The following KCNH7 variants were observed in gnomAD, a reference collection of about 807,000 sequenced individuals.
KCNH7 encodes the protein potassium voltage-gated channel subfamily H member 7, also known as voltage-gated inwardly rectifying potassium channel KCNH7.
KCNH7 carries 49 observed loss-of-function variants against 120.8 expected under a neutral mutation model. That is an observed-to-expected ratio of 0.41 (90% confidence interval 0.32 to 0.51). The LOEUF (loss-of-function observed/expected upper bound fraction) is 0.51. KCNH7 is among the 20% of genes least tolerant of loss of function. The probability of loss-of-function intolerance (pLI) is 0.38; values close to 1 mark genes in which losing one functional copy is unlikely to be tolerated. For missense variants in KCNH7, 1,097 were observed against 1,446.6 expected (o/e 0.76, Z 3.92); for synonymous variants, 547 against 516.1 (o/e 1.06, Z -0.81).
At chr2:162,614,359 T>A (rs922607338) in intron 2 of KCNH7, among the ~76,000 whole-genome samples, 1 of 151,940 alleles carries the variant, frequency 6.6e-6, no homozygotes, top group Non-Finnish European at 1.5e-5. Context: ...AACCACACTT[T>A]GAGTAGCATT....
intron 2 of KCNH7, among the ~76,000 whole-genome samples, chr2:162,559,086 C>CAAAAAAAAA (rs1692968847): frequency 9.2e-6 from 1 of 109,008 alleles, no homozygotes; most frequent in African/African-American, 3.4e-5. Flanking sequence ...AGCAAAAAAA[C>CAAAAAAAAA]AAAAAACAAA....
intron 2 of KCNH7, among the ~76,000 whole-genome samples, chr2:162,650,819 G>A (rs1669090353): frequency 6.6e-6 from 1 of 152,082 alleles, no homozygotes; most frequent in Non-Finnish European, 1.5e-5. Context: ...TACGTAGGAG[G>A]CATTCCACCA....
intron 2 of KCNH7, among the ~76,000 whole-genome samples, chr2:162,670,570 G>A (rs930906615): frequency 3.3e-5 from 5 of 151,620 alleles, no homozygotes; most frequent in Non-Finnish European, 5.9e-5. Context: ...ATATAAATTG[G>A]GAGGTAATTA....
chr2:162,590,580 CT>C (rs1694177677), intron 2 of KCNH7, among the ~76,000 whole-genome samples: 1 of 152,106 alleles, frequency 6.6e-6, no homozygotes, highest in African/African-American at 2.4e-5. Flanking sequence ...ATTCTCTAGT[CT>C]TCCTCATGCT....
intron 5 of KCNH7, among the ~76,000 whole-genome samples, chr2:162,510,707 C>T (rs1390255846): frequency 3.3e-5 from 5 of 151,394 alleles, no homozygotes; most frequent in Non-Finnish European, 5.9e-5. Context: ...GTGTAGAAAC[C>T]TGCATTTTTT....
chr2:162,688,430 T>TA (rs890436733), intron 2 of KCNH7, among the ~76,000 whole-genome samples: 5 of 150,140 alleles, frequency 3.3e-5, no homozygotes, highest in Non-Finnish European at 7.4e-5. Flanking sequence ...AGTTGGGCGC[T>TA]AAAGACTGCA....
At chr2:162,735,920 T>A (rs1252996723) in intron 2 of KCNH7, among the ~76,000 whole-genome samples, 1 of 152,152 alleles carries the variant, frequency 6.6e-6, no homozygotes. Context: ...TAGAGTTAGC[T>A]GAGAGAAGGC....
intron 2 of KCNH7, among the ~76,000 whole-genome samples, chr2:162,637,384 C>T (rs779495996): frequency 1.8e-4 from 27 of 152,050 alleles, no homozygotes; most frequent in Non-Finnish European, 3.7e-4. Context: ...GAAACATACC[C>T]GATAGTTCCA....
intron 2 of KCNH7, among the ~76,000 whole-genome samples, chr2:162,608,130 G>A (rs1682842665): frequency 6.6e-6 from 1 of 152,110 alleles, no homozygotes; most frequent in South Asian, 2.1e-4. Context: ...TTACAAAGGA[G>A]TCATGTTCTA....
intron 2 of KCNH7, among the ~76,000 whole-genome samples, chr2:162,752,399 T>C (rs1003467071): frequency 7.9e-5 from 12 of 152,236 alleles, no homozygotes; most frequent in Non-Finnish European, 1.5e-4. Context: ...CCTTACATTT[T>C]CTTATTTAAT....
At chr2:162,809,145 C>A (rs1352060603) in intron 2 of KCNH7, among the ~76,000 whole-genome samples, 1 of 152,164 alleles carries the variant, frequency 6.6e-6, no homozygotes, top group African/African-American at 2.4e-5. Flanking sequence ...GACAACATAA[C>A]ATTAAATATA....
intron 2 of KCNH7, among the ~76,000 whole-genome samples, chr2:162,705,729 C>G (rs560856383): frequency 6.6e-6 from 1 of 152,128 alleles, no homozygotes; most frequent in East Asian, 1.9e-4. Context: ...TTTCAGATAG[C>G]CTTTACCCAT....
At chr2:162,748,947 C>CCT (rs1458842703) in intron 2 of KCNH7, among the ~76,000 whole-genome samples, 9 of 117,748 alleles carry the variant, frequency 7.6e-5, no homozygotes, top group East Asian at 3.4e-4. Flanking sequence ...TCCTTCCTTC[C>CCT]TTCCTTCCTT....
chr2:162,697,181 A>G (rs982952396), intron 2 of KCNH7, among the ~76,000 whole-genome samples: 3 of 152,172 alleles, frequency 2.0e-5, no homozygotes, highest in Non-Finnish European at 4.4e-5. Flanking sequence ...CCTCCTGAGA[A>G]AAGAATACAC....
intron 2 of KCNH7, among the ~76,000 whole-genome samples, chr2:162,590,311 G>A (rs73026671): frequency 0.028 from 4,214 of 152,126 alleles, 216 homozygotes; most frequent in African/African-American, 0.097. Context: ...GAGGAGAGCC[G>A]CACCTCCTGA....
chr2:162,382,704 G>A (rs1160005460), intron 13 of KCNH7, among the ~76,000 whole-genome samples: 1 of 152,048 alleles, frequency 6.6e-6, no homozygotes, highest in South Asian at 2.1e-4. Flanking sequence ...ACTAAAATTT[G>A]TGGGGGTTTA....
intron 2 of KCNH7, among the ~76,000 whole-genome samples, chr2:162,744,725 A>AC (rs1380253672): frequency 6.6e-6 from 1 of 151,920 alleles, no homozygotes; most frequent in Admixed American, 6.6e-5. Flanking sequence ...AGTGCCCACC[A>AC]CCACGCCTGG....
chr2:162,525,293 G>A (rs368927581), intron 3 of KCNH7, among the ~76,000 whole-genome samples: 2 of 151,978 alleles, frequency 1.3e-5, no homozygotes, highest in African/African-American at 4.8e-5. Flanking sequence ...CAAGGCTTGA[G>A]AACAATTACA....
At chr2:162,393,148 A>G (rs1194214007) in intron 12 of KCNH7, among the ~76,000 whole-genome samples, 1 of 152,024 alleles carries the variant, frequency 6.6e-6, no homozygotes, top group African/African-American at 2.4e-5. Flanking sequence ...GGTTGGCTCC[A>G]AGATATCTGG....
Sources: gnomAD v4.1 joint callset for allele counts (sites outside exome capture counted in the v4.1 genomes callset) on GRCh38, gnomAD v4.1.1 for gene constraint, MANE v1.5 for transcripts, NCBI Gene and HGNC (gene_info 2026-07-23, HGNC 2026-07-21) for gene names.